CCDC152: variants seen among roughly 807,000 people sequenced by gnomAD.
CCDC152 encodes the protein coiled-coil domain containing 152.
A neutral mutation model predicts 38.1 loss-of-function variants in CCDC152; 37 were observed. That is an observed-to-expected ratio of 0.97 (90% CI 0.75 to 1.28). The LOEUF (loss-of-function observed/expected upper bound fraction) is 1.28. Among genes scored for constraint, CCDC152 ranks in the 50% most tolerant of loss-of-function variants. The probability of loss-of-function intolerance (pLI) is 0.00; values close to 1 mark genes in which losing one functional copy is unlikely to be tolerated. For synonymous variants in CCDC152, 83 were observed against 87.1 expected, an observed-to-expected ratio of 0.95 and a Z score of 0.26; for missense variants, 259 against 292.1, an observed-to-expected ratio of 0.89 and a Z score of 0.83.
intron 4 of CCDC152, among the ~76,000 whole-genome samples, chr5:42,771,741 G>A (rs1579709897): frequency 6.6e-6 from 1 of 152,118 alleles, no homozygotes; most frequent in East Asian, 1.9e-4. Flanking sequence ...ACACACCAAT[G>A]ACAAATAAGG....
At chr5:42,781,952 T>C (rs1488427615) in intron 5 of CCDC152, among the ~76,000 whole-genome samples, 2 of 152,162 alleles carry the variant, frequency 1.3e-5, no homozygotes, top group Non-Finnish European at 2.9e-5. Flanking sequence ...CCCGGTAAAG[T>C]TGTAAAATTT....
chr5:42,768,244 A>G (rs1047783718), intron 3 of CCDC152, among the ~76,000 whole-genome samples: 1 of 152,216 alleles, frequency 6.6e-6, no homozygotes, highest in Non-Finnish European at 1.5e-5. Context: ...TTCATACCAG[A>G]GATTCCCTAC....
intron 5 of CCDC152, among the ~76,000 whole-genome samples, chr5:42,781,502 A>G (rs1759844048): frequency 1.3e-5 from 2 of 152,010 alleles, no homozygotes; most frequent in Admixed American, 1.3e-4. Context: ...CCTCAGTACC[A>G]TGAAATATCT....
chr5:42,758,956 A>G (rs1036760055), intron 1 of CCDC152, among the ~76,000 whole-genome samples, 164 bp from the exon 2 acceptor site: 3 of 152,188 alleles, frequency 2.0e-5, no homozygotes, highest in African/African-American at 7.2e-5. Context: ...GCATTTGACC[A>G]CTGTTAATAT....
chr5:42,788,903 A>G (rs1579719913), intron 6 of CCDC152, among the ~76,000 whole-genome samples: 1 of 152,044 alleles, frequency 6.6e-6, no homozygotes, highest in Admixed American at 6.6e-5. Context: ...CTTGTGGGGT[A>G]TATTTGCAGG....
At chr5:42,779,126 T>C (rs1403054875) in intron 4 of CCDC152, among the ~76,000 whole-genome samples, 1 of 152,190 alleles carries the variant, frequency 6.6e-6, no homozygotes, top group East Asian at 1.9e-4. Flanking sequence ...GTAGCTTCTC[T>C]TCTCTAAATC....
chr5:42,758,964 TATTGGTTATAACAAAA>T (rs1345325846), intron 1 of CCDC152, among the ~76,000 whole-genome samples, 140 bp from the exon 2 acceptor site: 8 of 152,300 alleles, frequency 5.3e-5, no homozygotes, highest in South Asian at 2.1e-4. Context: ...CCACTGTTAA[TATTGGTTATAACAAAA>T]ATTCTCGCAG....
intron 6 of CCDC152, among the ~76,000 whole-genome samples, chr5:42,791,479 T>C (rs1364522939): frequency 6.6e-6 from 1 of 152,238 alleles, no homozygotes; most frequent in South Asian, 2.1e-4. Flanking sequence ...GATACTTTTT[T>C]ACCCCTCACC....
intron 3 of CCDC152, among the ~76,000 whole-genome samples, chr5:42,765,442 AC>A: frequency 7.0e-6 from 1 of 143,586 alleles, no homozygotes; most frequent in Non-Finnish European, 1.5e-5. Context: ...ACCACAAAAG[AC>A]CCAGAATAGC....
chr5:42,783,082 G>A (rs554582593), intron 5 of CCDC152, among the ~76,000 whole-genome samples: 5 of 152,128 alleles, frequency 3.3e-5, no homozygotes, highest in African/African-American at 1.2e-4. Context: ...GTGTTAGCCA[G>A]GATGGTCTCG....
Position 42,801,638 on chromosome 5 carries a change from C to A in CCDC152, c.*1857C>A, listed in dbSNP as rs1055330997. On this transcript the variant is annotated 3_prime_UTR_variant, in exon 9 of 9. Transcript: ENST00000361970. ...AATCCTAAATTCAGTTGATCTGGGC[C>A]GAGCATGGTGGCTCATGCCTGTAAT... 7.9e-6 allele frequency: 3 copies of A among 379,152 alleles called. No homozygotes were observed. Among genetic ancestry groups the A allele is most frequent in the Non-Finnish European group, 1.4e-5 (3 of 214,770 alleles). The allele number at this position is 379,152 out of a possible 1,614,324, so 23.5% of individuals were successfully genotyped here.
At chr5:42,771,542 A>G (rs558068019) in intron 4 of CCDC152, among the ~76,000 whole-genome samples, 5 of 152,194 alleles carry the variant, frequency 3.3e-5, no homozygotes, top group African/African-American at 1.2e-4. Context: ...CTGAAAAAAA[A>G]AGAAAGATGT....
At chr5:42,762,814 T>C (rs55651065) in intron 3 of CCDC152, among the ~76,000 whole-genome samples, 32,951 of 152,112 alleles carry the variant, frequency 0.22, 4,514 homozygotes, top group Admixed American at 0.35. Context: ...CAATAAGAAA[T>C]GGCCAATTGA....
intron 2 of CCDC152, among the ~76,000 whole-genome samples, chr5:42,762,176 G>A (rs1411416327): frequency 1.3e-5 from 2 of 152,158 alleles, no homozygotes; most frequent in East Asian, 1.9e-4. Context: ...TCTAAACATA[G>A]AAAAGGTACA....
intron 4 of CCDC152, among the ~76,000 whole-genome samples, chr5:42,778,520 G>A (rs908854383): frequency 1.1e-4 from 17 of 152,196 alleles, no homozygotes; most frequent in Admixed American, 7.9e-4. Flanking sequence ...ATTAACCACA[G>A]GGTTTTTAAA....
rs1760038894 is a variant in CCDC152, at chr5:42,793,920, A to AT, written c.431-2904dup. Among the ~76,000 whole-genome samples the AT allele has an allele frequency of 2.6e-5, 4 of 152,260 alleles. No individual in the cohort carries two copies. In the South Asian group the frequency reaches 8.3e-4, roughly 32 times the overall value. ...CACCAAGCTCAGCTGGACTTGGGGA[A>AT]TTTTTATGGAGAACTGGAAATTATA... is the stretch of plus-strand genomic sequence containing the variant. On this transcript the variant is annotated intron_variant, in intron 6 of 8. Transcript: ENST00000361970.
At chr5:42,766,137 C>T (rs562257953) in intron 3 of CCDC152, among the ~76,000 whole-genome samples, 111 of 152,192 alleles carry the variant, frequency 7.3e-4, no homozygotes, top group African/African-American at 2.5e-3. Flanking sequence ...AGAAGACATA[C>T]AAATGGTAAA....
intron 3 of CCDC152, among the ~76,000 whole-genome samples, chr5:42,768,334 A>G (rs1328002366): frequency 6.6e-6 from 1 of 152,084 alleles, no homozygotes; most frequent in Non-Finnish European, 1.5e-5. Context: ...TGGATTGCCT[A>G]CTATGGACCA....
At chr5:42,782,089 A>G (rs528277405) in intron 5 of CCDC152, among the ~76,000 whole-genome samples, 1 of 152,342 alleles carries the variant, frequency 6.6e-6, no homozygotes, top group South Asian at 2.1e-4. Flanking sequence ...GCTGTCAAGC[A>G]CTTTGCAAAT....
Sources: gnomAD v4.1 joint callset for allele counts (sites outside exome capture counted in the v4.1 genomes callset) on GRCh38, gnomAD v4.1.1 for gene constraint, MANE v1.5 for transcripts, NCBI Gene and HGNC (gene_info 2026-07-23, HGNC 2026-07-21) for gene names.